The following HEMGN variants were observed in gnomAD, a reference collection of about 807,000 sequenced individuals.
HEMGN encodes erythroid differentiation-associated gene protein.
A neutral mutation model predicts 45.7 loss-of-function variants in HEMGN; 32 were observed. That is an observed-to-expected ratio of 0.70 (90% CI 0.53 to 0.94). HEMGN has a LOEUF of 0.94. Ranked by LOEUF, HEMGN falls within the 40% of genes least tolerant of loss-of-function variation. HEMGN has a pLI of 0.00. For synonymous variants in HEMGN, 183 were observed against 178.6 expected, an observed-to-expected ratio of 1.02 and a Z score of -0.20; for missense variants, 530 against 564.2, an observed-to-expected ratio of 0.94 and a Z score of 0.61.
rs955198864 is a variant in HEMGN, at chr9:97,930,782, A to G, written c.613T>C (p.Cys205Arg). 1 of 1,614,148 alleles carries G rather than the reference A, an allele frequency of 6.2e-7. No homozygotes were observed. Among genetic ancestry groups the G allele is most frequent in the Non-Finnish European group, 8.5e-7 (1 of 1,180,002 alleles). The change falls in exon 3 of 4, where the codon TGC (cysteine) becomes CGC (arginine). Residue 205 changes from cysteine to arginine, a missense_variant. Coordinates refer to ENST00000616898, the MANE Select transcript of HEMGN (RefSeq NM_197978.3). ...KEPEDNSPNT[C>R]QVISVIQDHP... The stretch of plus-strand genomic sequence containing the variant: ...TCTTGAATTACAGATATTACTTGGC[A>G]TGTGTTAGGAGAGTTGTCTTCAGGT...
intron 3 of HEMGN, among the ~76,000 whole-genome samples, chr9:97,929,660 C>T (rs1303924565): frequency 6.6e-6 from 1 of 152,198 alleles, no homozygotes; most frequent in East Asian, 1.9e-4. Flanking sequence ...ACCTGCTTTC[C>T]ATTTATCAGG....
In HEMGN at chr9:97,930,809, C is replaced by T. The variant is rs576790299; in HGVS notation, c.586G>A (p.Glu196Lys). The change falls in exon 3 of 4, where the codon GAA becomes AAA. Residue 196 changes from glutamate to lysine, a missense_variant. Glu to Lys is a moderately conservative substitution (Grantham distance 56, BLOSUM62 1). Transcript: ENST00000616898. ...NSSKICQDMKEPEDNSPNTCQ... is the reference protein window; with the variant it reads ...NSSKICQDMKKPEDNSPNTCQ... Reference sequence around the variant, plus strand: ...GTGTTAGGAGAGTTGTCTTCAGGTTCCTTCATGTCTTGGCATATTTTGGAA... The same window carrying T: ...GTGTTAGGAGAGTTGTCTTCAGGTTTCTTCATGTCTTGGCATATTTTGGAA... The T allele has an allele frequency of 6.2e-7, 1 of 1,614,106 alleles. No homozygotes were observed. Among genetic ancestry groups the T allele is most frequent in the Admixed American group, 1.7e-5 (1 of 60,006 alleles).
chr9:97,931,763 C>A (rs1826958212), intron 2 of HEMGN, among the ~76,000 whole-genome samples: 1 of 152,082 alleles, frequency 6.6e-6, no homozygotes, highest in Non-Finnish European at 1.5e-5. Context: ...TAAGTTGCTA[C>A]AGTATATATC....
upstream of HEMGN, among the ~76,000 whole-genome samples, chr9:97,941,219 A>G (rs550644572): frequency 1.8e-4 from 27 of 152,308 alleles, no homozygotes; most frequent in African/African-American, 6.3e-4. Context: ...ACAGGTGAAC[A>G]GAACTGATGG....
intron 2 of HEMGN, among the ~76,000 whole-genome samples, chr9:97,932,365 T>C (rs577585304): frequency 6.6e-6 from 1 of 152,316 alleles, no homozygotes; most frequent in East Asian, 1.9e-4. Context: ...AAAAAGTGTT[T>C]TTAAAAGATT....
intron 1 of HEMGN, among the ~76,000 whole-genome samples, chr9:97,937,472 C>G (rs1434987975): frequency 6.6e-6 from 1 of 152,024 alleles, no homozygotes; most frequent in African/African-American, 2.4e-5. Context: ...CTGGCTATGA[C>G]TTATTTGACT....
upstream of HEMGN, chr9:97,938,180 G>T (rs1682838760): frequency 1.6e-6 from 2 of 1,265,208 alleles, no homozygotes; most frequent in Non-Finnish European, 2.3e-6. Context: ...ACTTCCACAA[G>T]CAGCCTAGAT....
intron 1 of HEMGN, among the ~76,000 whole-genome samples, chr9:97,944,040 C>T (rs1327575022): frequency 2.0e-5 from 3 of 152,092 alleles, no homozygotes; most frequent in Non-Finnish European, 4.4e-5. Context: ...TTTCACTCCC[C>T]TAGGTATGGG....
chr9:97,939,341 T>C (rs2131558421), upstream of HEMGN, among the ~76,000 whole-genome samples: 1 of 152,328 alleles, frequency 6.6e-6, no homozygotes, highest in East Asian at 1.9e-4. Context: ...CAGTAAATGT[T>C]AGCTACCAAT....
At chr9:97,928,029 T>C (rs1740325778) in intron 3 of HEMGN, among the ~76,000 whole-genome samples, 1 of 149,350 alleles carries the variant, frequency 6.7e-6, no homozygotes, top group Non-Finnish European at 1.5e-5. Flanking sequence ...AAGTGTATTT[T>C]TTTTTTTTTT....
At position 97,938,064 on chromosome 9, in the gene HEMGN, A is replaced by G. The variant is rs914099242; in HGVS notation, c.73T>C (p.Ser25Pro). The G allele has an allele frequency of 6.2e-7, 1 of 1,603,036 alleles. No individual in the cohort carries two copies. The highest frequency in any genetic ancestry group is 1.7e-5 in the Admixed American group (1 of 59,524). ...TPDPHQEENH[S>P]PEVIGTWSLR... ...TTAAGGTATTTTTCATTACCTGGAG[A>G]ATGGTTCTCTTCTTGATGAGGGTCA... Residue 25 changes from serine (S) to proline (P), a missense_variant, in exon 1 of 4, where the codon TCT (serine) becomes CCT (proline). Transcript: ENST00000616898.
At chr9:97,935,705 T>C (rs1827045206) in intron 2 of HEMGN, among the ~76,000 whole-genome samples, 1 of 152,258 alleles carries the variant, frequency 6.6e-6, no homozygotes, top group African/African-American at 2.4e-5. Context: ...ACAGGTTATC[T>C]AAACTCTTTG....
chr9:97,931,793 G>A (rs1481478490), intron 2 of HEMGN, among the ~76,000 whole-genome samples: 3 of 152,056 alleles, frequency 2.0e-5, no homozygotes, highest in Non-Finnish European at 4.4e-5. Context: ...ATACTGTAAG[G>A]GGTCAAAAGC....
intron 2 of HEMGN, among the ~76,000 whole-genome samples, 193 bp downstream of exon 2, chr9:97,935,978 T>A (rs1827051022): frequency 6.6e-6 from 1 of 152,240 alleles, no homozygotes. Context: ...ACCAGCTGTG[T>A]GTGTGACTTT....
chr9:97,942,895 A>G (rs2131560126), upstream of HEMGN, among the ~76,000 whole-genome samples: 1 of 152,352 alleles, frequency 6.6e-6, no homozygotes, highest in Non-Finnish European at 1.5e-5. Flanking sequence ...ATTGATAAAA[A>G]TTATAGCGCC....
chr9:97,930,174 G>T lies in HEMGN; in HGVS notation c.1221C>A (p.Asp407Glu). 1 of 1,614,104 alleles carries T rather than the reference G, an allele frequency of 6.2e-7. No homozygotes were observed. Among genetic ancestry groups the T allele is most frequent in the Non-Finnish European group, 8.5e-7 (1 of 1,180,012 alleles). ...EIYQETPGPE[D>E]LSTETYKNKD... is the part of the protein sequence containing the mutation. ...TATTTTTATATGTCTCAGTAGAGAG[G>T]TCTTCAGGCCCCGGTGTTTCTTGGT... Residue 407 changes from aspartate (D) to glutamate (E), a missense_variant, in exon 3 of 4, where the codon GAC (aspartate) becomes GAA (glutamate). Coordinates refer to ENST00000616898, the MANE Select transcript of HEMGN (RefSeq NM_197978.3).
upstream of HEMGN, among the ~76,000 whole-genome samples, chr9:97,939,706 T>C (rs1043179736): frequency 6.6e-6 from 1 of 152,190 alleles, no homozygotes; most frequent in Non-Finnish European, 1.5e-5. Context: ...AAACAAGCTG[T>C]CAAACACACT....
Position 97,931,105 on chromosome 9 carries a change from A to G in HEMGN, c.290T>C (p.Val97Ala), listed in dbSNP as rs144965245. The change falls in exon 3 of 4, where the codon GTG (valine) becomes GCG (alanine). Residue 97 changes from valine to alanine, a missense_variant. Coordinates refer to ENST00000616898, the MANE Select transcript of HEMGN (RefSeq NM_197978.3). ...CTCTATAGGTGCCAGTGCTTTCTCCACTATTTCCTTTTCTATCTGTGGCTG... is the reference window on the plus strand; with the variant it reads ...CTCTATAGGTGCCAGTGCTTTCTCCGCTATTTCCTTTTCTATCTGTGGCTG... ...EPQPQIEKEI[V>A]EKALAPIEKK... is the part of the protein sequence containing the mutation. 2.7e-4 allele frequency: 429 copies of G among 1,612,256 alleles called. 1 individual carries two copies. In the African/African-American group the frequency reaches 5.2e-3, roughly 20 times the overall value.
At chr9:97,929,952 G>T in intron 3 of HEMGN, 83 bp downstream of exon 3, 2 of 958,240 alleles carry the variant, frequency 2.1e-6, no homozygotes, top group Non-Finnish European at 1.6e-6. Flanking sequence ...AAATAACAGG[G>T]AATACCCAGG....
Sources: allele counts gnomAD v4.1 joint callset (sites outside exome capture counted in the v4.1 genomes callset), GRCh38; gene constraint gnomAD v4.1.1; transcripts MANE v1.5; gene names NCBI Gene and HGNC (gene_info 2026-07-23, HGNC 2026-07-21).